DEPDC1B: variants seen among roughly 807,000 people sequenced by gnomAD.
DEPDC1B encodes the protein DEP domain-containing protein 1B.
DEPDC1B carries 51 observed loss-of-function variants against 66.5 expected under a neutral mutation model. The ratio of observed to expected loss-of-function variants is 0.77; its 90% CI spans 0.61 to 0.97. The LOEUF is 0.97. Among genes scored for constraint, DEPDC1B ranks in the 50% least tolerant of loss-of-function variants. DEPDC1B has a pLI of 0.00. For missense variants in DEPDC1B, 552 were observed against 637.1 expected (o/e 0.87, Z 1.44); for synonymous variants, 226 against 223.6 (o/e 1.01, Z -0.10).
chr5:60,670,124 C>T (rs1753995706), intron 2 of DEPDC1B, among the ~76,000 whole-genome samples: 1 of 152,196 alleles, frequency 6.6e-6, no homozygotes, highest in Non-Finnish European at 1.5e-5. Context: ...GTGGCTCACG[C>T]CTGTAATCCC....
At chr5:60,699,954 C>T in intron 1 of DEPDC1B, 92 bp downstream of exon 1, 2 of 1,462,214 alleles carry the variant, frequency 1.4e-6, no homozygotes, top group East Asian at 2.5e-5. Flanking sequence ...CGCTGGCCTG[C>T]GGAAGCGAAG....
intron 2 of DEPDC1B, among the ~76,000 whole-genome samples, chr5:60,651,340 C>A (rs1753446297): frequency 6.6e-6 from 1 of 151,950 alleles, no homozygotes; most frequent in Admixed American, 6.6e-5. Flanking sequence ...CCAGCCTGGC[C>A]AACATCGTGA....
chr5:60,692,321 G>C (rs1754563391), intron 1 of DEPDC1B, among the ~76,000 whole-genome samples: 1 of 152,116 alleles, frequency 6.6e-6, no homozygotes, highest in Admixed American at 6.5e-5. Context: ...AGAGTAAATT[G>C]CAAGTGTACA....
Position 60,603,485 on chromosome 5 carries a change from G to T in DEPDC1B, c.1148C>A (p.Thr383Lys). ...TTCCTGGTAATTGTCCATCAGAAACGTTACCAATCTAGCAGCTAATAACTC... is the reference window on the plus strand; with the variant it reads ...TTCCTGGTAATTGTCCATCAGAAACTTTACCAATCTAGCAGCTAATAACTC... Reference protein sequence around the residue: ...LDELLAARLVTFLMDNYQEIL... With the variant: ...LDELLAARLVKFLMDNYQEIL... The change falls in exon 9 of 11, where the codon ACG becomes AAG. Residue 383 changes from threonine to lysine, a missense_variant. Transcript: ENST00000265036. 1.2e-6 allele frequency: 2 copies of T among 1,612,782 alleles called. No individual in the cohort carries two copies. Among genetic ancestry groups the T allele is most frequent in the Non-Finnish European group, 1.7e-6 (2 of 1,179,566 alleles).
intron 2 of DEPDC1B, among the ~76,000 whole-genome samples, chr5:60,665,060 A>G (rs1405811156): frequency 2.6e-5 from 4 of 152,216 alleles, no homozygotes; most frequent in Admixed American, 1.3e-4. Flanking sequence ...GGGACCCTCC[A>G]TTAGAAATGC....
intron 7 of DEPDC1B, among the ~76,000 whole-genome samples, chr5:60,636,408 G>T (rs974884885): frequency 6.6e-6 from 1 of 152,106 alleles, no homozygotes; most frequent in South Asian, 2.1e-4. Context: ...AACCTCAAAA[G>T]AAGTTTATTA....
chr5:60,621,331 T>G (rs1468011753), intron 7 of DEPDC1B, among the ~76,000 whole-genome samples: 1 of 151,476 alleles, frequency 6.6e-6, no homozygotes, highest in African/African-American at 2.4e-5. Context: ...AAATAAAATG[T>G]GGCACATATA....
intron 1 of DEPDC1B, among the ~76,000 whole-genome samples, chr5:60,692,003 T>C (rs1431359666): frequency 6.6e-6 from 1 of 152,138 alleles, no homozygotes; most frequent in African/African-American, 2.4e-5. Flanking sequence ...ATTCAGCCTT[T>C]AAAAAAAGAA....
intron 10 of DEPDC1B, 52 bp from the exon 11 acceptor site, chr5:60,597,966 TA>T: frequency 7.4e-6 from 11 of 1,477,460 alleles, no homozygotes; most frequent in Non-Finnish European, 9.9e-6. Context: ...TAAAAGCCAA[TA>T]AAATTTGGCA....
intron 2 of DEPDC1B, among the ~76,000 whole-genome samples, chr5:60,653,941 T>C (rs1291044291): frequency 6.7e-6 from 1 of 149,252 alleles, no homozygotes; most frequent in Non-Finnish European, 1.5e-5. Flanking sequence ...TTCTGGGTTC[T>C]CTATTCTGTT....
chr5:60,667,411 A>AAAAATGGATATTTTACATATATAC (rs1753868172), intron 2 of DEPDC1B, among the ~76,000 whole-genome samples: 2 of 31,308 alleles, frequency 6.4e-5, no homozygotes, highest in Non-Finnish European at 1.6e-4. Context: ...ACATATATAC[A>AAAAATGGATATTTTACATATATAC]AAAAATGGAT....
chr5:60,645,275 T>C (rs1177818583), intron 4 of DEPDC1B, among the ~76,000 whole-genome samples: 2 of 152,234 alleles, frequency 1.3e-5, no homozygotes, highest in African/African-American at 4.8e-5. Flanking sequence ...ATGTGTCTTA[T>C]TACTCTTAAG....
chr5:60,627,665 C>G (rs898165925), intron 7 of DEPDC1B, among the ~76,000 whole-genome samples: 3 of 152,122 alleles, frequency 2.0e-5, no homozygotes, highest in Non-Finnish European at 4.4e-5. Flanking sequence ...AGTGCTTTCT[C>G]TAACTACAAA....
At chr5:60,654,369 T>C (rs967770223) in intron 2 of DEPDC1B, among the ~76,000 whole-genome samples, 1 of 148,230 alleles carries the variant, frequency 6.7e-6, no homozygotes, top group African/African-American at 2.6e-5. Flanking sequence ...TTTTTTTCTT[T>C]TTTTTTGGTG....
At chr5:60,609,862 T>A (rs1245279401) in intron 7 of DEPDC1B, among the ~76,000 whole-genome samples, 1 of 152,152 alleles carries the variant, frequency 6.6e-6, no homozygotes. Context: ...AATTGAAAAA[T>A]TAATTCATAT....
intron 7 of DEPDC1B, among the ~76,000 whole-genome samples, chr5:60,621,652 G>C (rs1752704715): frequency 6.6e-6 from 1 of 152,010 alleles, no homozygotes; most frequent in Non-Finnish European, 1.5e-5. Flanking sequence ...TCTGCATGTT[G>C]TGCACATGTA....
intron 2 of DEPDC1B, among the ~76,000 whole-genome samples, chr5:60,659,614 G>A (rs116857233): frequency 1.4e-3 from 215 of 152,316 alleles, no homozygotes; most frequent in East Asian, 0.011. Context: ...TTGAGATCAC[G>A]GCACAGCCAG....
At chr5:60,656,251 C>T (rs1441302099) in intron 2 of DEPDC1B, among the ~76,000 whole-genome samples, 1 of 151,432 alleles carries the variant, frequency 6.6e-6, no homozygotes, top group Non-Finnish European at 1.5e-5. Context: ...AGCTCCGCCT[C>T]CTGGGTTCAC....
intron 2 of DEPDC1B, among the ~76,000 whole-genome samples, chr5:60,676,383 G>GA (rs375433892): frequency 3.9e-4 from 57 of 146,964 alleles, no homozygotes; most frequent in Admixed American, 4.8e-4. Context: ...GTATAATAAT[G>GA]AAAAAAAAAA....
Sources: allele counts gnomAD v4.1 joint callset (sites outside exome capture counted in the v4.1 genomes callset), GRCh38; gene constraint gnomAD v4.1.1; transcripts MANE v1.5; gene names NCBI Gene and HGNC (gene_info 2026-07-23, HGNC 2026-07-21).